ANKFN1: variants seen among roughly 807,000 people sequenced by gnomAD.
ANKFN1 encodes ankyrin repeat and fibronectin type-III domain-containing protein 1.
In ANKFN1, 74 loss-of-function variants were observed where a neutral mutation model predicts 108.7. The ratio of observed to expected loss-of-function variants is 0.68; its 90% CI spans 0.56 to 0.83. The LOEUF is 0.83. ANKFN1 is among the 40% of genes least tolerant of loss of function. The pLI is 0.00. For synonymous variants in ANKFN1, 547 were observed against 516.2 expected (o/e 1.06, Z -0.81); for missense variants, 1,505 against 1,382.3 (o/e 1.09, Z -1.41).
At chr17:56,455,595 G>A (rs1243557621) in intron 11 of ANKFN1, among the ~76,000 whole-genome samples, 2 of 152,148 alleles carry the variant, frequency 1.3e-5, no homozygotes, top group East Asian at 1.9e-4. Flanking sequence ...CAGTCTGGTG[G>A]TGATACCAAC....
intron 6 of ANKFN1, among the ~76,000 whole-genome samples, chr17:56,355,809 T>A (rs1252207165): frequency 2.0e-5 from 3 of 152,106 alleles, no homozygotes; most frequent in African/African-American, 7.2e-5. Flanking sequence ...TCACATACCA[T>A]AAAATTTACC....
At chr17:56,167,255 G>T (rs1910205866) in intron 1 of ANKFN1, among the ~76,000 whole-genome samples, 1 of 94,838 alleles carries the variant, frequency 1.1e-5, no homozygotes, top group African/African-American at 3.9e-5. Flanking sequence ...ATATATGTAT[G>T]TGTGTGTATA....
chr17:56,398,298 C>T (rs1180670198), intron 8 of ANKFN1, among the ~76,000 whole-genome samples: 2 of 152,082 alleles, frequency 1.3e-5, no homozygotes, highest in African/African-American at 4.8e-5. Flanking sequence ...CCTGGAAGTG[C>T]CTGTGAACAT....
At chr17:56,473,366 T>A (rs2050386080) in intron 15 of ANKFN1, 1 of 152,288 alleles carries the variant, frequency 6.6e-6, no homozygotes, top group East Asian at 1.9e-4. Context: ...AATTTGGTGT[T>A]AGAAGGCCTT....
intron 4 of ANKFN1, among the ~76,000 whole-genome samples, chr17:56,099,659 G>C (rs1905600609): frequency 6.6e-6 from 1 of 152,218 alleles, no homozygotes; most frequent in Admixed American, 6.5e-5. Flanking sequence ...AGAACGAGTA[G>C]AAATTCTCCA....
intron 3 of ANKFN1, among the ~76,000 whole-genome samples, chr17:56,281,039 T>C (rs888657992): frequency 3.3e-5 from 5 of 152,242 alleles, no homozygotes; most frequent in Non-Finnish European, 5.9e-5. Context: ...TCTGCCATGA[T>C]TGTGAGGCCT....
chr17:56,240,429 T>C lies in ANKFN1; in HGVS notation c.53+12472T>C, dbSNP rs772936916. ...TGCATGAATATATTGCTATTTTCATTCATTCATTCATTCTATTGGTGAAAA... is the reference window on the plus strand; with the variant it reads ...TGCATGAATATATTGCTATTTTCATCCATTCATTCATTCTATTGGTGAAAA... On this transcript the variant is annotated intron_variant, in intron 3 of 20. Coordinates refer to ENST00000682825, the MANE Select transcript of ANKFN1 (RefSeq NM_001370326.1). 4.6e-5 allele frequency among the ~76,000 whole-genome samples: 7 copies of C among 152,210 alleles called. No individual in the cohort carries two copies. The South Asian group carries it at 6.2e-4, about 14-fold the overall frequency.
intron 1 of ANKFN1, among the ~76,000 whole-genome samples, chr17:56,195,039 A>G (rs1041216359): frequency 1.3e-5 from 2 of 152,212 alleles, no homozygotes; most frequent in Non-Finnish European, 2.9e-5. Context: ...AAGACACCTT[A>G]GGAGCAGGCA....
chr17:56,432,373 G>C (rs1297945043), intron 8 of ANKFN1, among the ~76,000 whole-genome samples: 1 of 152,122 alleles, frequency 6.6e-6, no homozygotes, highest in Non-Finnish European at 1.5e-5. Context: ...TTATTCACAA[G>C]GTCCAGACAA....
intron 4 of ANKFN1, among the ~76,000 whole-genome samples, chr17:56,091,665 G>A (rs1905423500): frequency 6.6e-6 from 1 of 151,432 alleles, no homozygotes; most frequent in Non-Finnish European, 1.5e-5. Flanking sequence ...TTGGGAGCCA[G>A]CTCATTTTTC....
chr17:56,316,666 C>T (rs184737016), intron 3 of ANKFN1, among the ~76,000 whole-genome samples: 82 of 152,242 alleles, frequency 5.4e-4, no homozygotes, highest in Non-Finnish European at 4.7e-4. Flanking sequence ...AAAAAAATCT[C>T]ATTTTGACTG....
chr17:56,294,375 G>A (rs112318327), intron 3 of ANKFN1, among the ~76,000 whole-genome samples: 1,546 of 152,310 alleles, frequency 0.01, 10 homozygotes, highest in South Asian at 0.035. Flanking sequence ...GCCAGGAGCC[G>A]ACTTCAAGAT....
At chr17:56,204,341 C>G (rs749115489) in intron 1 of ANKFN1, among the ~76,000 whole-genome samples, 1 of 150,360 alleles carries the variant, frequency 6.7e-6, no homozygotes, top group African/African-American at 2.4e-5. Context: ...CCACCACGCC[C>G]AGCCTATTTT....
intron 18 of ANKFN1, among the ~76,000 whole-genome samples, chr17:56,488,106 T>C (rs1422579302): frequency 6.6e-6 from 1 of 152,200 alleles, no homozygotes; most frequent in South Asian, 2.1e-4. Context: ...GATGATGTGG[T>C]CTTATTAGAT....
intron 4 of ANKFN1, among the ~76,000 whole-genome samples, chr17:56,128,577 G>T (rs1210194762): frequency 6.6e-6 from 1 of 152,152 alleles, no homozygotes. Flanking sequence ...TTCCATCTCT[G>T]CGTCACTGGT....
intron 13 of ANKFN1, among the ~76,000 whole-genome samples, 158 bp from the exon 14 acceptor site, chr17:56,457,705 T>C (rs73991538): frequency 0.03 from 4,570 of 152,316 alleles, 205 homozygotes; most frequent in African/African-American, 0.1. Context: ...CTTTTTCCAA[T>C]TGGACAGAGA....
chr17:56,500,743 G>A (rs528266737), intron 20 of ANKFN1, among the ~76,000 whole-genome samples: 2 of 152,258 alleles, frequency 1.3e-5, no homozygotes, highest in South Asian at 2.1e-4. Context: ...CAGGATCTAA[G>A]AACATTGTTC....
chr17:56,367,296 C>G (rs923189934), intron 6 of ANKFN1, among the ~76,000 whole-genome samples: 3 of 152,306 alleles, frequency 2.0e-5, no homozygotes, highest in Non-Finnish European at 4.4e-5. Flanking sequence ...TTAGCAATTG[C>G]AGGCAAGGGC....
intron 3 of ANKFN1, among the ~76,000 whole-genome samples, chr17:56,290,796 T>C (rs1334976970): frequency 6.6e-6 from 1 of 152,170 alleles, no homozygotes; most frequent in Non-Finnish European, 1.5e-5. Context: ...CAATTTTTAT[T>C]GATTTGCAGA....
Sources: gnomAD v4.1 joint callset for allele counts (sites outside exome capture counted in the v4.1 genomes callset) on GRCh38, gnomAD v4.1.1 for gene constraint, MANE v1.5 for transcripts, NCBI Gene and HGNC (gene_info 2026-07-23, HGNC 2026-07-21) for gene names.